The following HS3ST3A1 variants were observed in gnomAD, a reference collection of about 807,000 sequenced individuals.
HS3ST3A1 encodes the protein heparan sulfate-glucosamine 3-sulfotransferase 3A1.
In HS3ST3A1, 19 loss-of-function variants were observed where a neutral mutation model predicts 25.7. That is an observed-to-expected ratio of 0.74 (90% CI 0.52 to 1.08). The LOEUF is 1.08. Ranked by LOEUF, HS3ST3A1 falls within the 50% of genes least tolerant of loss-of-function variation. The pLI, the probability that HS3ST3A1 is intolerant of heterozygous loss-of-function variation, is 0.00. For missense variants in HS3ST3A1, 459 were observed against 594.3 expected, an observed-to-expected ratio of 0.77 and a Z score of 2.37; for synonymous variants, 226 against 278.6, an observed-to-expected ratio of 0.81 and a Z score of 1.88.
chr17:13,584,857 TA>T (rs1164141632), intron 1 of HS3ST3A1, among the ~76,000 whole-genome samples: 1 of 152,168 alleles, frequency 6.6e-6, no homozygotes, highest in Non-Finnish European at 1.5e-5. Flanking sequence ...TGGCAAAGAT[TA>T]CACAGATACA....
intron 1 of HS3ST3A1, among the ~76,000 whole-genome samples, chr17:13,575,509 C>G (rs546821624): frequency 6.6e-6 from 1 of 152,266 alleles, no homozygotes; most frequent in Admixed American, 6.5e-5. Context: ...ACTGTGGTGA[C>G]TTGCATCAGG....
At chr17:13,501,302 G>GT (rs1905467271) in intron 1 of HS3ST3A1, among the ~76,000 whole-genome samples, 1 of 150,870 alleles carries the variant, frequency 6.6e-6, no homozygotes, top group African/African-American at 2.5e-5. Context: ...ACATAACAAC[G>GT]TGTATGTACT....
intron 1 of HS3ST3A1, among the ~76,000 whole-genome samples, chr17:13,587,553 G>T (rs75405130): frequency 2.0e-5 from 3 of 151,998 alleles, no homozygotes; most frequent in Admixed American, 6.6e-5. Flanking sequence ...TGAATAACAC[G>T]CTGTTTCAGT....
intron 1 of HS3ST3A1, among the ~76,000 whole-genome samples, chr17:13,556,850 TA>T (rs71144974): frequency 0.018 from 2,273 of 124,806 alleles, 50 homozygotes; most frequent in African/African-American, 0.051. Flanking sequence ...AAACTCCGCC[TA>T]AAAAAAAAAA....
chr17:13,548,540 C>T (rs1907149764), intron 1 of HS3ST3A1, among the ~76,000 whole-genome samples: 1 of 152,188 alleles, frequency 6.6e-6, no homozygotes, highest in African/African-American at 2.4e-5. Flanking sequence ...GATTAACAAA[C>T]CGTCTCTAAT....
At chr17:13,580,905 A>C (rs1194362354) in intron 1 of HS3ST3A1, among the ~76,000 whole-genome samples, 4 of 151,988 alleles carry the variant, frequency 2.6e-5, no homozygotes, top group South Asian at 2.1e-4. Flanking sequence ...AACAAACAAA[A>C]AAAAGAACAC....
intron 1 of HS3ST3A1, among the ~76,000 whole-genome samples, chr17:13,587,574 G>T (rs1044560170): frequency 2.0e-5 from 3 of 152,152 alleles, no homozygotes; most frequent in South Asian, 4.1e-4. Flanking sequence ...GCAGAAGTCA[G>T]GTGACAATGA....
At chr17:13,583,645 CATTA>C (rs1908172486) in intron 1 of HS3ST3A1, among the ~76,000 whole-genome samples, 1 of 152,276 alleles carries the variant, frequency 6.6e-6, no homozygotes, top group Non-Finnish European at 1.5e-5. Flanking sequence ...TGGTGAAATA[CATTA>C]ATTATTTGCA....
intron 1 of HS3ST3A1, among the ~76,000 whole-genome samples, chr17:13,522,853 G>GAGACACAC (rs1555538069): frequency 0.065 from 9,670 of 148,356 alleles, 342 homozygotes; most frequent in South Asian, 0.092. Flanking sequence ...CACACAGAGA[G>GAGACACAC]ACACACACAC....
chr17:13,498,660 G>A (rs1211583313), intron 1 of HS3ST3A1, among the ~76,000 whole-genome samples: 2 of 152,214 alleles, frequency 1.3e-5, no homozygotes, highest in Admixed American at 6.5e-5. Context: ...TAGACAGAGA[G>A]GCCTTGCAGG....
chr17:13,500,889 A>G (rs1267033839), intron 1 of HS3ST3A1, among the ~76,000 whole-genome samples: 2 of 152,240 alleles, frequency 1.3e-5, no homozygotes, highest in Non-Finnish European at 2.9e-5. Flanking sequence ...GTATTGACAG[A>G]TGAACGGATA....
At chr17:13,542,097 G>T (rs1906951264) in intron 1 of HS3ST3A1, among the ~76,000 whole-genome samples, 1 of 152,102 alleles carries the variant, frequency 6.6e-6, no homozygotes, top group Non-Finnish European at 1.5e-5. Context: ...GGAGGCCAAG[G>T]CAGGTGGATC....
At chr17:13,512,305 C>CAAAAAAAAAAAAAA (rs67523378) in intron 1 of HS3ST3A1, among the ~76,000 whole-genome samples, 7 of 82,102 alleles carry the variant, frequency 8.5e-5, no homozygotes, top group African/African-American at 3.6e-4. Flanking sequence ...GACTCCGTCT[C>CAAAAAAAAAAAAAA]AAAAAAAAAA....
At position 13,495,112 on chromosome 17, in the gene HS3ST3A1, C is replaced by T. The variant is rs1360507975; in HGVS notation, c.*1085G>A. The stretch of plus-strand genomic sequence containing the variant: ...GGTAAACTAAAAAACAAATGAGACT[C>T]ATACCTGTAAGTGCTAATTGAAATC... On this transcript the variant is annotated 3_prime_UTR_variant, in exon 2 of 2. Coordinates refer to ENST00000284110, the MANE Select transcript of HS3ST3A1 (RefSeq NM_006042.3). Among the ~76,000 whole-genome samples, 1 of 151,886 alleles carries T rather than the reference C, an allele frequency of 6.6e-6. No homozygotes were observed. The highest frequency in any genetic ancestry group is 1.5e-5 in the Non-Finnish European group (1 of 67,984).
intron 1 of HS3ST3A1, among the ~76,000 whole-genome samples, chr17:13,582,774 T>A (rs981741578): frequency 6.6e-6 from 1 of 152,262 alleles, no homozygotes; most frequent in East Asian, 1.9e-4. Flanking sequence ...TCAGAAATCA[T>A]ATTTAAAATA....
rs10622364 is a variant in HS3ST3A1 at position 13,564,360 on chromosome 17, C to CATTTAA, written c.599+36165_599+36170dup. On this transcript the variant is annotated intron_variant, in intron 1 of 1. Coordinates refer to ENST00000284110, the MANE Select transcript of HS3ST3A1 (RefSeq NM_006042.3). ...ACTCCTTTAGTATTTGATTTTAATC[C>CATTTAA]ATTTAAATTTATTTTGATTACAGTT... 9.8e-3 allele frequency among the ~76,000 whole-genome samples: 1,496 copies of CATTTAA among 152,134 alleles called. 20 individuals carry two copies. Among genetic ancestry groups the CATTTAA allele is most frequent in the African/African-American group, 0.034 (1,415 of 41,496 alleles).
intron 1 of HS3ST3A1, among the ~76,000 whole-genome samples, chr17:13,520,614 C>G (rs1355066433): frequency 6.6e-6 from 1 of 151,660 alleles, no homozygotes; most frequent in Non-Finnish European, 1.5e-5. Context: ...TTCTTTCTTT[C>G]TTTCTTTTTT....
chr17:13,530,690 T>C (rs1389559800), intron 1 of HS3ST3A1, among the ~76,000 whole-genome samples: 2 of 152,196 alleles, frequency 1.3e-5, no homozygotes, highest in Non-Finnish European at 2.9e-5. Flanking sequence ...CTGATAGTCC[T>C]GAATCATGGC....
chr17:13,567,634 C>T lies in HS3ST3A1; in HGVS notation c.599+32897G>A, dbSNP rs111905248. On this transcript the variant is annotated intron_variant, in intron 1 of 1. Coordinates refer to ENST00000284110, the MANE Select transcript of HS3ST3A1 (RefSeq NM_006042.3). ...AACAGGAGTTTTGAAGAAATTGATT[C>T]CAACCCTCATGGATGACTTTGACAA... Among the ~76,000 whole-genome samples the T allele has an allele frequency of 2.9e-3, 436 of 152,216 alleles. 3 individuals carry two copies. Among genetic ancestry groups the T allele is most frequent in the Middle Eastern group, 6.8e-3 (2 of 294 alleles).
Sources: gnomAD v4.1 joint callset for allele counts (sites outside exome capture counted in the v4.1 genomes callset) on GRCh38, gnomAD v4.1.1 for gene constraint, MANE v1.5 for transcripts, NCBI Gene and HGNC (gene_info 2026-07-23, HGNC 2026-07-21) for gene names.